AXDND1: variants seen among roughly 807,000 people sequenced by gnomAD.
The protein encoded by AXDND1 is axonemal dynein light chain domain-containing protein 1.
AXDND1 carries 110 observed loss-of-function variants against 137.5 expected under a neutral mutation model. That is an observed-to-expected ratio of 0.80 (90% CI 0.69 to 0.94). The LOEUF (loss-of-function observed/expected upper bound fraction) is 0.94, where lower values mean the gene tolerates loss of function less well. AXDND1 is among the 40% of genes least tolerant of loss of function. The pLI, the probability that AXDND1 is intolerant of heterozygous loss-of-function variation, is 0.00. For missense variants in AXDND1, 1,191 were observed against 1,169.8 expected, an observed-to-expected ratio of 1.02 and a Z score of -0.26; for synonymous variants, 414 against 399.7, an observed-to-expected ratio of 1.04 and a Z score of -0.43.
intron 4 of AXDND1, among the ~76,000 whole-genome samples, chr1:179,375,830 T>C (rs528432673): frequency 6.6e-6 from 1 of 152,306 alleles, no homozygotes; most frequent in South Asian, 2.1e-4. Context: ...TCTAACATTT[T>C]TCCCCTGTAC....
intron 21 of AXDND1, among the ~76,000 whole-genome samples, chr1:179,520,913 C>T (rs1669993204): frequency 6.8e-6 from 1 of 146,084 alleles, no homozygotes; most frequent in African/African-American, 2.5e-5. Context: ...TATATATATA[C>T]AGACTATATA....
At chr1:179,371,256 T>G (rs897349214) in intron 4 of AXDND1, among the ~76,000 whole-genome samples, 5 of 151,970 alleles carry the variant, frequency 3.3e-5, no homozygotes, top group African/African-American at 9.7e-5. Flanking sequence ...GGTGAAACCC[T>G]GTCACTACAA....
chr1:179,409,975 T>C (rs897554101), intron 11 of AXDND1, among the ~76,000 whole-genome samples: 22 of 152,190 alleles, frequency 1.4e-4, no homozygotes, highest in Non-Finnish European at 2.5e-4. Flanking sequence ...TACTGTTAAA[T>C]TAGGGTCATT....
intron 12 of AXDND1, among the ~76,000 whole-genome samples, chr1:179,417,516 G>T (rs1375654566): frequency 6.6e-6 from 1 of 152,056 alleles, no homozygotes; most frequent in Non-Finnish European, 1.5e-5. Flanking sequence ...ATTTTGATTT[G>T]ATTTTTGTAT....
chr1:179,506,077 C>T (rs1668513450), intron 20 of AXDND1, among the ~76,000 whole-genome samples: 1 of 152,122 alleles, frequency 6.6e-6, no homozygotes. Flanking sequence ...TAAGAGTATA[C>T]AAGAACTACT....
At chr1:179,503,060 A>G (rs538159421) in intron 20 of AXDND1, among the ~76,000 whole-genome samples, 52 of 150,554 alleles carry the variant, frequency 3.5e-4, no homozygotes, top group Admixed American at 8.0e-4. Context: ...GTGCCATTGC[A>G]TTCTAGCCTG....
At chr1:179,456,046 C>G (rs1303648883) in intron 16 of AXDND1, 1 of 436,994 alleles carries the variant, frequency 2.3e-6, no homozygotes, top group Non-Finnish European at 4.5e-6. Context: ...GAGTTAGTCA[C>G]AAATAACAGT....
chr1:179,505,674 CAG>C (rs1668473701), intron 20 of AXDND1, among the ~76,000 whole-genome samples: 2 of 150,770 alleles, frequency 1.3e-5, no homozygotes, highest in South Asian at 4.2e-4. Context: ...AAAAGAAAAA[CAG>C]AAAAAAATTG....
chr1:179,368,304 A>G (rs1667673322), intron 2 of AXDND1, among the ~76,000 whole-genome samples: 1 of 152,176 alleles, frequency 6.6e-6, no homozygotes, highest in Non-Finnish European at 1.5e-5. Flanking sequence ...TCCCAGTTCC[A>G]TCTTTACTTT....
In AXDND1 at chr1:179,395,181, T is replaced by C. The variant is rs907788275; in HGVS notation, c.1088T>C (p.Leu363Ser). The stretch of plus-strand genomic sequence containing the variant: ...CACAAGGATTTGGCACAAGCTCTTT[T>C]AAATGCGGAAAAGAATGCCAAGTGA... ...KAHKDLAQAL[L>S]NAEKNAKIVE... The change falls in exon 11 of 26, where the codon TTA becomes TCA. Residue 363 changes from leucine to serine, a missense_variant. Transcript: ENST00000367618. 1.2e-6 allele frequency: 2 copies of C among 1,612,900 alleles called. No individual in the cohort carries two copies. The highest frequency in any genetic ancestry group is 1.7e-6 in the Non-Finnish European group (2 of 1,179,636).
chr1:179,525,205 T>A, intron 21 of AXDND1, 129 bp from the exon 22 acceptor site: 1 of 912,550 alleles, frequency 1.1e-6, no homozygotes, highest in Non-Finnish European at 1.6e-6. Context: ...GGACTATTCT[T>A]ATCAACCTTT....
At chr1:179,449,590 A>T (rs1388236301) in intron 16 of AXDND1, 1 of 152,364 alleles carries the variant, frequency 6.6e-6, no homozygotes, top group Non-Finnish European at 1.5e-5. Context: ...GCATCTGTAG[A>T]TTTGTTTGGG....
chr1:179,476,556 GT>G (rs71569254), intron 17 of AXDND1, among the ~76,000 whole-genome samples: 67,658 of 150,414 alleles, frequency 0.45, 15,803 homozygotes, highest in East Asian at 0.71. Flanking sequence ...AAATTCTTCG[GT>G]TTTTTTTTTA....
chr1:179,479,488 A>AAAG (rs1665066572), intron 17 of AXDND1, among the ~76,000 whole-genome samples: 3 of 147,766 alleles, frequency 2.0e-5, no homozygotes. Context: ...AAAAAAAAAA[A>AAAG]GGAAAAAGGC....
Position 179,430,435 on chromosome 1 carries a change from C to G in AXDND1, c.1333-17C>G, listed in dbSNP as rs1261316933. The G allele has an allele frequency of 1.3e-6, 2 of 1,573,610 alleles. No individual in the cohort carries two copies. ...ACATAAATGAATATATTATTTGATT[C>G]TATGCATTTTATATAGGACACTGAA... On this transcript the variant is annotated splice_polypyrimidine_tract_variant and intron_variant, in intron 13 of 25. Transcript: ENST00000367618.
chr1:179,376,752 T>C (rs999559877), intron 4 of AXDND1, among the ~76,000 whole-genome samples: 4 of 152,198 alleles, frequency 2.6e-5, no homozygotes, highest in African/African-American at 9.6e-5. Flanking sequence ...CCCCTCTATA[T>C]TGAAGGCTCC....
chr1:179,456,923 G>C, intron 16 of AXDND1: 1 of 1,277,934 alleles, frequency 7.8e-7, no homozygotes, highest in Non-Finnish European at 1.1e-6. Flanking sequence ...CACTGCCTCA[G>C]TCATGATTTC....
intron 17 of AXDND1, among the ~76,000 whole-genome samples, chr1:179,470,588 G>C (rs775866927): frequency 7.2e-5 from 11 of 151,846 alleles, no homozygotes; most frequent in Non-Finnish European, 1.6e-4. Flanking sequence ...ATTGTTTATT[G>C]CATATGTATA....
chr1:179,553,912 A>AT (rs11422639), intron 25 of AXDND1, among the ~76,000 whole-genome samples: 60,779 of 131,620 alleles, frequency 0.46, 15,302 homozygotes, highest in African/African-American at 0.67. Context: ...CCCCTGGCTA[A>AT]TTTTTTTTTT....
Sources: gnomAD v4.1 joint callset for allele counts (sites outside exome capture counted in the v4.1 genomes callset) on GRCh38, gnomAD v4.1.1 for gene constraint, MANE v1.5 for transcripts, NCBI Gene and HGNC (gene_info 2026-07-23, HGNC 2026-07-21) for gene names.